The following KAZN variants were observed in gnomAD, a reference collection of about 807,000 sequenced individuals.
KAZN encodes the protein kazrin, periplakin interacting protein.
KAZN carries 40 observed loss-of-function variants against 87.4 expected under a neutral mutation model. The observed-to-expected ratio is 0.46, with a 90% confidence interval of 0.36 to 0.60. KAZN has a LOEUF of 0.60. Among genes scored for constraint, KAZN ranks in the 20% least tolerant of loss-of-function variants. The pLI is 0.00. For missense variants in KAZN, 898 were observed against 1,073.9 expected, an observed-to-expected ratio of 0.84 and a Z score of 2.29; for synonymous variants, 466 against 458.3, an observed-to-expected ratio of 1.02 and a Z score of -0.22.
intron 2 of KAZN, among the ~76,000 whole-genome samples, chr1:14,324,725 C>G (rs1410815773): frequency 6.6e-6 from 1 of 152,184 alleles, no homozygotes; most frequent in Non-Finnish European, 1.5e-5. Context: ...CTAATCTACT[C>G]TTATGGCCTT....
At chr1:14,321,109 A>C (rs1219947423) in intron 2 of KAZN, among the ~76,000 whole-genome samples, 2 of 152,238 alleles carry the variant, frequency 1.3e-5, no homozygotes, top group Non-Finnish European at 1.5e-5. Context: ...GTTGCAAAAA[A>C]TGTACCATGA....
Position 15,101,548 on chromosome 1 carries a change from C to T in KAZN, c.1553C>T (p.Ser518Phe). The T allele has an allele frequency of 6.4e-7, 1 of 1,551,770 alleles. No homozygotes were observed. The highest frequency in any genetic ancestry group is 8.7e-7 in the Non-Finnish European group (1 of 1,146,918). Residue 518 changes from serine to phenylalanine, a missense_variant, in exon 11 of 15, where the codon TCC becomes TTC. Physicochemically the swap from Ser to Phe is radical, Grantham distance 155. This residue lies in a region of KAZN where 521 missense variants were observed against 689.4 expected (regional missense o/e 0.76). Coordinates refer to ENST00000376030, the MANE Select transcript of KAZN (RefSeq NM_201628.3). ...TGGCTATGTCTCCTCCCCAGCCTGT[C>T]CAAAGCTGCCGAGCTGGACCATCAC... ...YRDAEAGRSL[S>F]KAAELDHHWV...
chr1:13,924,735 T>C (rs757904206), intron 1 of KAZN, among the ~76,000 whole-genome samples: 43 of 152,228 alleles, frequency 2.8e-4, no homozygotes, highest in Non-Finnish European at 5.0e-4. Flanking sequence ...CTTTCCAGAC[T>C]GAACCAGTGT....
At chr1:15,023,577 T>TG (rs1269195610) in intron 2 of KAZN, among the ~76,000 whole-genome samples, 13 of 151,884 alleles carry the variant, frequency 8.6e-5, no homozygotes, top group East Asian at 3.9e-4. Context: ...AGACAGATCT[T>TG]GGGGGGGTCC....
intron 2 of KAZN, among the ~76,000 whole-genome samples, chr1:14,281,652 G>A (rs765230415): frequency 1.3e-4 from 20 of 152,136 alleles, no homozygotes; most frequent in Non-Finnish European, 2.9e-4. Context: ...CTCTATGCTG[G>A]TGATAGTGGT....
At chr1:14,954,848 C>T (rs183553179) in intron 1 of KAZN, among the ~76,000 whole-genome samples, 96 of 152,234 alleles carry the variant, frequency 6.3e-4, no homozygotes, top group Admixed American at 1.3e-3. Context: ...CCCAGCTACT[C>T]GGGAGGCTGA....
intron 2 of KAZN, among the ~76,000 whole-genome samples, chr1:14,467,428 CTT>C (rs1486075556): frequency 2.0e-5 from 3 of 151,274 alleles, no homozygotes; most frequent in African/African-American, 4.8e-5. Flanking sequence ...ATAAAAAAGA[CTT>C]AAGATATACA....
At chr1:14,772,900 T>C (rs1307056722) in intron 1 of KAZN, among the ~76,000 whole-genome samples, 4 of 152,098 alleles carry the variant, frequency 2.6e-5, no homozygotes, top group Admixed American at 6.5e-5. Flanking sequence ...GCACACCACA[T>C]TGGCCTTCTG....
chr1:14,327,219 A>G (rs1476126089), intron 2 of KAZN, among the ~76,000 whole-genome samples: 1 of 152,202 alleles, frequency 6.6e-6, no homozygotes, highest in Non-Finnish European at 1.5e-5. Context: ...TTAAGGTTAT[A>G]CATAATACAA....
chr1:13,932,008 A>ATTTTTTTTTTTTT (rs35231877), intron 1 of KAZN, among the ~76,000 whole-genome samples: 1 of 122,918 alleles, frequency 8.1e-6, no homozygotes, highest in African/African-American at 3.1e-5. Flanking sequence ...GGCTTGGCTA[A>ATTTTTTTTTTTTT]TTTTTTTTTT....
chr1:14,657,387 G>A (rs1451496240), intron 1 of KAZN, among the ~76,000 whole-genome samples: 2 of 152,172 alleles, frequency 1.3e-5, no homozygotes, highest in African/African-American at 4.8e-5. Flanking sequence ...CTGGCTGGGA[G>A]AGGCTTCTTA....
chr1:14,887,365 C>T (rs939617785), intron 1 of KAZN, among the ~76,000 whole-genome samples: 2 of 152,148 alleles, frequency 1.3e-5, no homozygotes, highest in African/African-American at 4.8e-5. Flanking sequence ...GCCATGTTCC[C>T]AGATGTGGCA....
At chr1:14,237,607 G>A (rs1648544975) in intron 2 of KAZN, among the ~76,000 whole-genome samples, 1 of 152,118 alleles carries the variant, frequency 6.6e-6, no homozygotes, top group Admixed American at 6.5e-5. Flanking sequence ...ACGTGCTAGA[G>A]AAAATCATTA....
intron 1 of KAZN, among the ~76,000 whole-genome samples, chr1:14,714,446 G>T (rs1389354406): frequency 1.3e-5 from 2 of 152,188 alleles, no homozygotes; most frequent in Admixed American, 1.3e-4. Flanking sequence ...TGTTTGCATG[G>T]CCTCCTGGTC....
At chr1:15,025,570 T>C (rs1671079137) in intron 2 of KAZN, among the ~76,000 whole-genome samples, 2 of 152,182 alleles carry the variant, frequency 1.3e-5, no homozygotes, top group African/African-American at 4.8e-5. Context: ...AGTTGATTAG[T>C]CGTGTCTTCC....
At chr1:14,895,495 C>G (rs1480866299) in intron 1 of KAZN, among the ~76,000 whole-genome samples, 1 of 152,252 alleles carries the variant, frequency 6.6e-6, no homozygotes, top group Non-Finnish European at 1.5e-5. Context: ...CATCCCTCAG[C>G]AGCCTTCCCC....
chr1:14,911,977 C>T (rs112476737), intron 1 of KAZN, among the ~76,000 whole-genome samples: 46 of 151,986 alleles, frequency 3.0e-4, no homozygotes, highest in Admixed American at 2.0e-3. Context: ...TATGATGGCA[C>T]GTTATCTCTA....
chr1:14,351,012 T>A (rs1658508248), intron 2 of KAZN: 1 of 152,268 alleles, frequency 6.6e-6, no homozygotes, highest in African/African-American at 2.4e-5. Flanking sequence ...TGTGATTTTG[T>A]TGATACATAA....
chr1:14,804,204 T>G (rs1646131561), intron 1 of KAZN, among the ~76,000 whole-genome samples: 1 of 152,174 alleles, frequency 6.6e-6, no homozygotes, highest in Admixed American at 6.5e-5. Context: ...GGGTCTTTAT[T>G]GCAAGGAAGA....
Sources: allele counts gnomAD v4.1 joint callset (sites outside exome capture counted in the v4.1 genomes callset), GRCh38; gene constraint gnomAD v4.1.1; regional missense constraint gnomAD v4.1.1; transcripts MANE v1.5; gene names NCBI Gene and HGNC (gene_info 2026-07-23, HGNC 2026-07-21).